Variants in FSTL5 observed in about 807,000 individuals in gnomAD.
The protein encoded by FSTL5 is follistatin-related protein 5.
In FSTL5, 62 loss-of-function variants were observed where a neutral mutation model predicts 89.1. The ratio of observed to expected loss-of-function variants is 0.70; its 90% CI spans 0.57 to 0.86. The LOEUF is 0.86. FSTL5 is among the 40% of genes least tolerant of loss of function. FSTL5 has a pLI of 0.00. For missense variants in FSTL5, 1,057 were observed against 1,001.6 expected (o/e 1.06, Z -0.75); for synonymous variants, 383 against 346.2 (o/e 1.11, Z -1.18).
intron 3 of FSTL5, among the ~76,000 whole-genome samples, chr4:161,932,471 C>T (rs1734317979): frequency 6.6e-6 from 1 of 151,532 alleles, no homozygotes; most frequent in African/African-American, 2.4e-5. Context: ...GGTCTTAAAA[C>T]TAATTATCCT....
intron 7 of FSTL5, among the ~76,000 whole-genome samples, chr4:161,604,679 G>A (rs966559561): frequency 2.6e-5 from 4 of 152,158 alleles, no homozygotes; most frequent in Admixed American, 1.3e-4. Context: ...AATGGGAGAT[G>A]CCCTGTTGGA....
At chr4:161,844,054 A>T (rs1560877251) in intron 4 of FSTL5, among the ~76,000 whole-genome samples, 1 of 152,108 alleles carries the variant, frequency 6.6e-6, no homozygotes, top group African/African-American at 2.4e-5. Context: ...CATCTGGCAA[A>T]GGGCTAATAT....
At chr4:161,928,224 T>C (rs1171364274) in intron 3 of FSTL5, among the ~76,000 whole-genome samples, 1 of 151,878 alleles carries the variant, frequency 6.6e-6, no homozygotes, top group Non-Finnish European at 1.5e-5. Context: ...TCCTTGTCCA[T>C]GTTTGGCTTC....
At chr4:161,944,939 G>A (rs978005629) in intron 3 of FSTL5, among the ~76,000 whole-genome samples, 6 of 151,726 alleles carry the variant, frequency 4.0e-5, no homozygotes, top group African/African-American at 1.2e-4. Flanking sequence ...AATATATAAA[G>A]TGATATTTAT....
In FSTL5 at chr4:161,767,411, G is replaced by A. The variant is rs572218816; in HGVS notation, c.607-7880C>T. 2.0e-5 allele frequency among the ~76,000 whole-genome samples: 3 copies of A among 152,202 alleles called. No homozygotes were observed. The South Asian group carries it at 6.2e-4, about 32-fold the overall frequency. On this transcript the variant is annotated intron_variant, in intron 5 of 15. Transcript: ENST00000306100. ...AGAAAGTTCTTTACACGTTTGTCGA[G>A]GCTTTTCAGGGATTTATTCTCTGAG...
chr4:161,394,408 T>G (rs1457304651), intron 15 of FSTL5, among the ~76,000 whole-genome samples: 1 of 152,112 alleles, frequency 6.6e-6, no homozygotes, highest in Non-Finnish European at 1.5e-5. Context: ...CCCAAATAGC[T>G]GGGATCACAG....
intron 13 of FSTL5, among the ~76,000 whole-genome samples, chr4:161,474,580 C>T (rs1734060748): frequency 6.8e-6 from 1 of 147,546 alleles, no homozygotes; most frequent in Non-Finnish European, 1.5e-5. Context: ...GAGTCTCGCT[C>T]TCTCGCTCAG....
At chr4:161,687,587 T>A (rs1737789074) in intron 6 of FSTL5, among the ~76,000 whole-genome samples, 1 of 152,196 alleles carries the variant, frequency 6.6e-6, no homozygotes, top group Non-Finnish European at 1.5e-5. Context: ...TTTCATTTTG[T>A]AGCATTTTGC....
At chr4:162,060,389 T>G (rs953810754) in intron 2 of FSTL5, among the ~76,000 whole-genome samples, 6 of 152,276 alleles carry the variant, frequency 3.9e-5, no homozygotes, top group African/African-American at 1.2e-4. Flanking sequence ...ATTCTATTTC[T>G]CTAATATAAT....
chr4:162,094,302 G>A (rs899465955), intron 2 of FSTL5, among the ~76,000 whole-genome samples: 6 of 152,086 alleles, frequency 3.9e-5, no homozygotes, highest in South Asian at 2.1e-4. Context: ...CAGGAGAATC[G>A]CTTGAACCTG....
At chr4:162,107,355 T>C (rs1046509418) in intron 2 of FSTL5, among the ~76,000 whole-genome samples, 1 of 152,190 alleles carries the variant, frequency 6.6e-6, no homozygotes, top group East Asian at 1.9e-4. Flanking sequence ...GTATGGAATA[T>C]AGCTAACAGA....
In FSTL5 at chr4:161,385,623, GACCA is replaced by G. The variant is rs1730592529; in HGVS notation, c.*120_*123del. 1.5e-6 allele frequency: 1 copy of G among 674,900 alleles called. No individual in the cohort carries two copies. Among genetic ancestry groups the G allele is most frequent in the East Asian group, 2.7e-5 (1 of 37,088 alleles). 41.8% of individuals were successfully genotyped at this position (674,900 alleles called of 1,614,324 possible). The stretch of plus-strand genomic sequence containing the variant: ...AGTCAAAAACAATTTATTTTATTTG[GACCA>G]ACCAAGTAAATTTTGTTTGACTAGG... On this transcript the variant is annotated 3_prime_UTR_variant, in exon 16 of 16. Transcript: ENST00000306100.
At chr4:161,715,421 T>C (rs943254036) in intron 6 of FSTL5, among the ~76,000 whole-genome samples, 1 of 152,144 alleles carries the variant, frequency 6.6e-6, no homozygotes, top group African/African-American at 2.4e-5. Flanking sequence ...ACACACCCTG[T>C]CATTTTGTTT....
chr4:162,087,856 TGAGATA>T (rs1316320345), intron 2 of FSTL5, among the ~76,000 whole-genome samples: 1 of 152,044 alleles, frequency 6.6e-6, no homozygotes, highest in Non-Finnish European at 1.5e-5. Context: ...TATGAATCAA[TGAGATA>T]CATTCAGTTG....
intron 6 of FSTL5, among the ~76,000 whole-genome samples, chr4:161,736,131 A>G (rs1174335196): frequency 6.6e-6 from 1 of 152,122 alleles, no homozygotes; most frequent in African/African-American, 2.4e-5. Flanking sequence ...AACATATCTT[A>G]AAGTTTAAAA....
chr4:161,989,164 A>G (rs933961131), intron 3 of FSTL5, among the ~76,000 whole-genome samples: 1 of 152,156 alleles, frequency 6.6e-6, no homozygotes, highest in Non-Finnish European at 1.5e-5. Flanking sequence ...AAAAGCTTGG[A>G]AGAAATAAAC....
intron 1 of FSTL5, among the ~76,000 whole-genome samples, chr4:162,141,175 G>T (rs1732725169): frequency 1.3e-5 from 1 of 75,604 alleles, no homozygotes; most frequent in African/African-American, 4.6e-5. Context: ...GGAGTGCAGT[G>T]GCGCGATCTC....
At chr4:161,610,084 A>G (rs1734584138) in intron 7 of FSTL5, among the ~76,000 whole-genome samples, 1 of 152,100 alleles carries the variant, frequency 6.6e-6, no homozygotes, top group Non-Finnish European at 1.5e-5. Flanking sequence ...TTTAATTTCA[A>G]TAGAGTAAAT....
intron 6 of FSTL5, among the ~76,000 whole-genome samples, chr4:161,704,466 G>A (rs1183758609): frequency 6.6e-6 from 1 of 151,978 alleles, no homozygotes; most frequent in Non-Finnish European, 1.5e-5. Context: ...TCAGATGTTC[G>A]AGGTTCTCAC....
Sources: allele counts gnomAD v4.1 joint callset (sites outside exome capture counted in the v4.1 genomes callset), GRCh38; gene constraint gnomAD v4.1.1; transcripts MANE v1.5; gene names NCBI Gene and HGNC (gene_info 2026-07-23, HGNC 2026-07-21).